Variants in SLC8A1 observed in about 807,000 individuals in gnomAD.
SLC8A1 encodes the protein solute carrier family 8 member A1.
Under a neutral mutation model 68.3 loss-of-function variants are expected in SLC8A1, and 18 were observed. The observed-to-expected ratio is 0.26, with a 90% confidence interval of 0.18 to 0.39. The LOEUF (loss-of-function observed/expected upper bound fraction) is 0.39, where lower values mean the gene tolerates loss of function less well. Among genes scored for constraint, SLC8A1 ranks in the 10% least tolerant of loss-of-function variants. SLC8A1 has a pLI of 1.00. For missense variants in SLC8A1, 985 were observed against 1,156.7 expected (o/e 0.85, Z 2.15); for synonymous variants, 475 against 415.5 (o/e 1.14, Z -1.74).
intron 2 of SLC8A1, among the ~76,000 whole-genome samples, chr2:40,379,717 G>A (rs1368962809): frequency 2.6e-5 from 4 of 151,102 alleles, no homozygotes; most frequent in Admixed American, 1.3e-4. Context: ...GTGCCTTTAT[G>A]TCAGCACTGG....
At chr2:40,183,863 A>T (rs531965244) in intron 2 of SLC8A1, among the ~76,000 whole-genome samples, 1 of 152,322 alleles carries the variant, frequency 6.6e-6, no homozygotes, top group South Asian at 2.1e-4. Flanking sequence ...GAATATATTT[A>T]AAAAGTTTCT....
intron 2 of SLC8A1, among the ~76,000 whole-genome samples, chr2:40,307,572 A>C (rs1350516761): frequency 6.6e-6 from 1 of 152,238 alleles, no homozygotes; most frequent in African/African-American, 2.4e-5. Flanking sequence ...TAAATAATTC[A>C]GCGAAAGGAA....
chr2:40,210,724 T>A (rs1022640560), intron 2 of SLC8A1, among the ~76,000 whole-genome samples: 1 of 152,182 alleles, frequency 6.6e-6, no homozygotes, highest in Non-Finnish European at 1.5e-5. Flanking sequence ...CTTATTGTCA[T>A]TTCTGCACCC....
chr2:40,291,852 T>G (rs1224850459), intron 2 of SLC8A1, among the ~76,000 whole-genome samples: 1 of 152,056 alleles, frequency 6.6e-6, no homozygotes, highest in African/African-American at 2.4e-5. Context: ...CACTGCGAGG[T>G]TGAAGTCATA....
intron 2 of SLC8A1, among the ~76,000 whole-genome samples, chr2:40,411,383 CCAT>C (rs772323061): frequency 1.3e-5 from 2 of 151,840 alleles, no homozygotes; most frequent in Non-Finnish European, 2.9e-5. Context: ...TTACACATGC[CCAT>C]TAGGAATGTA....
intron 2 of SLC8A1, among the ~76,000 whole-genome samples, chr2:40,320,536 G>T (rs150725049): frequency 1.3e-5 from 2 of 152,248 alleles, no homozygotes; most frequent in African/African-American, 2.4e-5. Context: ...AATGGGATTT[G>T]CCTAAAATCA....
intron 1 of SLC8A1, among the ~76,000 whole-genome samples, chr2:40,501,101 CT>C (rs1706035745): frequency 1.3e-5 from 2 of 151,936 alleles, no homozygotes; most frequent in Admixed American, 6.6e-5. Context: ...CTGCATTTTT[CT>C]GTCTGGAAAT....
At chr2:40,415,192 G>A (rs1421639315) in intron 2 of SLC8A1, among the ~76,000 whole-genome samples, 2 of 152,140 alleles carry the variant, frequency 1.3e-5, no homozygotes, top group African/African-American at 2.4e-5. Context: ...GGTAAGACAA[G>A]GTCAGGAAGT....
chr2:40,288,522 C>T (rs1003085839), intron 2 of SLC8A1, among the ~76,000 whole-genome samples: 14 of 152,126 alleles, frequency 9.2e-5, no homozygotes, highest in South Asian at 4.2e-4. Context: ...TCAGCTGAAA[C>T]ACCCAAGTTG....
intron 2 of SLC8A1, among the ~76,000 whole-genome samples, chr2:40,285,140 TG>T (rs1165703621): frequency 6.6e-6 from 1 of 152,158 alleles, no homozygotes; most frequent in African/African-American, 2.4e-5. Flanking sequence ...CTCTGTGAAT[TG>T]GGTATTATTG....
chr2:40,202,024 G>A (rs921978531), intron 2 of SLC8A1, among the ~76,000 whole-genome samples: 2 of 151,968 alleles, frequency 1.3e-5, no homozygotes, highest in African/African-American at 4.8e-5. Flanking sequence ...GTGTACACAT[G>A]CTGGTGTGTG....
chr2:40,364,451 A>AAC (rs11389274), intron 2 of SLC8A1, among the ~76,000 whole-genome samples: 2 of 52,618 alleles, frequency 3.8e-5, no homozygotes, highest in African/African-American at 6.4e-4. Context: ...CAAGTAAAAC[A>AAC]AAAAAAAAAC....
chr2:40,174,641 A>T, intron 4 of SLC8A1, 65 bp downstream of exon 6: 2 of 1,334,936 alleles, frequency 1.5e-6, no homozygotes, highest in Non-Finnish European at 2.1e-6. Flanking sequence ...CATAAGATGT[A>T]GGTTTGGATT....
At chr2:40,477,063 G>A (rs1002192087) in intron 1 of SLC8A1, among the ~76,000 whole-genome samples, 1 of 152,048 alleles carries the variant, frequency 6.6e-6, no homozygotes, top group African/African-American at 2.4e-5. Flanking sequence ...TTTTCCTATA[G>A]CAAACATAAT....
chr2:40,335,167 C>T (rs967955473), intron 2 of SLC8A1, among the ~76,000 whole-genome samples: 10 of 152,020 alleles, frequency 6.6e-5, no homozygotes, highest in African/African-American at 1.2e-4. Flanking sequence ...ATACAATATC[C>T]GTATATTATT....
chr2:40,439,606 C>A (rs911713587), intron 1 of SLC8A1, among the ~76,000 whole-genome samples: 7 of 152,096 alleles, frequency 4.6e-5, no homozygotes, highest in African/African-American at 1.7e-4. Context: ...TCTTTTTTAA[C>A]AAGGTAAATG....
Position 40,175,115 on chromosome 2 carries a change from C to T in SLC8A1, c.1913-273G>A, listed in dbSNP as rs555963057. The T allele has an allele frequency of 2.1e-4, 173 of 838,470 alleles. No individual in the cohort carries two copies. In the African/African-American group the frequency reaches 2.6e-3, roughly 13 times the overall value. 51.9% of individuals were successfully genotyped at this position (838,470 alleles called of 1,614,324 possible). ...AAAAATGCAATATAAACTATTTGAC[C>T]TTGACAAAATGAGGTCAATGGCCCT... is the stretch of plus-strand genomic sequence containing the variant. On this transcript the variant is annotated intron_variant, in intron 3 of 7. Coordinates refer to ENST00000406785, the Ensembl canonical transcript of SLC8A1.
At chr2:40,164,886 C>G (rs1273891909) in exon 5 of SLC8A1, 2 of 1,613,970 alleles carry the variant, frequency 1.2e-6, no homozygotes, top group Non-Finnish European at 1.7e-6. Context: ...ATGATCACTT[C>G]CAACTTGGTG....
At chr2:40,235,328 G>A (rs1215189157) in intron 2 of SLC8A1, among the ~76,000 whole-genome samples, 7 of 151,968 alleles carry the variant, frequency 4.6e-5, no homozygotes, top group African/African-American at 7.3e-5. Flanking sequence ...TTAGTCTTGG[G>A]AGAGTGTATG....
Sources: allele counts gnomAD v4.1 joint callset (sites outside exome capture counted in the v4.1 genomes callset), GRCh38; gene constraint gnomAD v4.1.1; transcripts MANE v1.5; gene names NCBI Gene and HGNC (gene_info 2026-07-23, HGNC 2026-07-21).